The following OR2L13 variants were observed in gnomAD, a reference collection of about 807,000 sequenced individuals.
The protein encoded by OR2L13 is olfactory receptor family 2 subfamily L member 13, also known as olfactory receptor 2L13.
Under a neutral mutation model 15.3 loss-of-function variants are expected in OR2L13, and 14 were observed. That is an observed-to-expected ratio of 0.91 (90% confidence interval 0.60 to 1.43). OR2L13 has a LOEUF of 1.43. Ranked by LOEUF, OR2L13 falls within the 40% of genes most tolerant of loss-of-function variation. The probability of loss-of-function intolerance (pLI) is 0.00; values close to 1 mark genes in which losing one functional copy is unlikely to be tolerated. For missense variants in OR2L13, 367 were observed against 387.9 expected, an observed-to-expected ratio of 0.95 and a Z score of 0.45; for synonymous variants, 152 against 142.9, an observed-to-expected ratio of 1.06 and a Z score of -0.45.
chr1:248,058,834 T>A, the OR2L13 span, among the ~76,000 whole-genome samples: 1 of 152,042 alleles, frequency 6.6e-6, no homozygotes, highest in Non-Finnish European at 1.5e-5. Flanking sequence ...TTTCCCTACT[T>A]TTTTTATCTT....
the OR2L13 span, chr1:248,063,095 T>G: frequency 6.6e-5 from 10 of 152,362 alleles, no homozygotes; most frequent in African/African-American, 2.4e-4. Flanking sequence ...AATAGTTCCA[T>G]ACAAATCTTA....
At chr1:247,979,601 G>A in the OR2L13 span, among the ~76,000 whole-genome samples, 13,067 of 151,974 alleles carry the variant, frequency 0.086, 708 homozygotes, top group East Asian at 0.18. Context: ...TTGCTATTGT[G>A]AATAGTGCTG....
At chr1:248,011,650 G>C in the OR2L13 span, among the ~76,000 whole-genome samples, 1 of 151,910 alleles carries the variant, frequency 6.6e-6, no homozygotes, top group African/African-American at 2.4e-5. Flanking sequence ...GATCTTTATA[G>C]TAAGAGGACA....
chr1:247,984,359 T>C, the OR2L13 span, among the ~76,000 whole-genome samples: 1 of 152,126 alleles, frequency 6.6e-6, no homozygotes, highest in Non-Finnish European at 1.5e-5. Context: ...AAGTTAGGAC[T>C]ATAACTATCT....
the OR2L13 span, among the ~76,000 whole-genome samples, chr1:247,942,961 C>T: frequency 3.3e-5 from 5 of 151,446 alleles, no homozygotes; most frequent in South Asian, 4.2e-4. Context: ...TTCGTGTAGG[C>T]GAATTCATAC....
At chr1:248,022,600 G>A in the OR2L13 span, 1,962 of 1,614,128 alleles carry the variant, frequency 1.2e-3, 12 homozygotes, top group African/African-American at 0.019. Context: ...TGTTCCTATG[G>A]CTGGGTTCTC....
At chr1:248,086,094 A>G in the OR2L13 span, among the ~76,000 whole-genome samples, 8 of 152,312 alleles carry the variant, frequency 5.3e-5, no homozygotes, top group African/African-American at 1.9e-4. Flanking sequence ...GTGCATATTG[A>G]CACAAAATTT....
the OR2L13 span, among the ~76,000 whole-genome samples, chr1:247,993,073 G>T: frequency 6.6e-6 from 1 of 151,968 alleles, no homozygotes. Context: ...CATAGTGACT[G>T]GTATAAAATG....
At chr1:248,005,855 A>C in the OR2L13 span, among the ~76,000 whole-genome samples, 1 of 152,334 alleles carries the variant, frequency 6.6e-6, no homozygotes. Context: ...ATGTCGTAGC[A>C]GTTAAAACAT....
the OR2L13 span, among the ~76,000 whole-genome samples, chr1:247,966,743 C>T: frequency 9.9e-5 from 15 of 152,250 alleles, no homozygotes; most frequent in South Asian, 2.1e-4. Context: ...CTCTGCTGAT[C>T]GGCAAACTTA....
the OR2L13 span, among the ~76,000 whole-genome samples, chr1:248,071,505 C>T: frequency 6.6e-6 from 1 of 152,154 alleles, no homozygotes. Context: ...CTATGACAAA[C>T]CCACAGCCAA....
chr1:247,978,339 G>C, the OR2L13 span, among the ~76,000 whole-genome samples: 5 of 151,980 alleles, frequency 3.3e-5, no homozygotes, highest in Non-Finnish European at 7.4e-5. Context: ...AATTGAACCC[G>C]TGGGCGTGTA....
the OR2L13 span, among the ~76,000 whole-genome samples, chr1:247,978,859 C>T: frequency 4.0e-5 from 6 of 151,794 alleles, no homozygotes; most frequent in Admixed American, 3.9e-4. Context: ...CTCCTGGGCA[C>T]CCTGCCACAG....
At chr1:248,100,067 A>G in exon 3 of OR2L13, 1 of 1,614,000 alleles carries the variant, frequency 6.2e-7, no homozygotes, top group Non-Finnish European at 8.5e-7. Context: ...CACTCAAAGG[A>G]GGGGAGAAAA....
chr1:247,967,165 C>A, the OR2L13 span, among the ~76,000 whole-genome samples: 1 of 152,114 alleles, frequency 6.6e-6, no homozygotes, highest in South Asian at 2.1e-4. Flanking sequence ...AGAAAATATT[C>A]TCTTAAGACA....
At chr1:247,975,307 T>G in the OR2L13 span, 1 of 486,844 alleles carries the variant, frequency 2.1e-6, no homozygotes, top group Non-Finnish European at 4.0e-6. Flanking sequence ...GGTCTATGAG[T>G]GCACAGTGTT....
chr1:248,064,532 T>C, the OR2L13 span, among the ~76,000 whole-genome samples: 2 of 152,334 alleles, frequency 1.3e-5, no homozygotes, highest in East Asian at 3.9e-4. Flanking sequence ...CAATACCTGC[T>C]GTTTTTGTTA....
the OR2L13 span, among the ~76,000 whole-genome samples, chr1:248,071,113 C>G: frequency 0.061 from 9,251 of 152,222 alleles, 646 homozygotes; most frequent in East Asian, 0.34. Context: ...GGAATCCTCC[C>G]TAACTCATTT....
chr1:248,070,859 T>C, the OR2L13 span, among the ~76,000 whole-genome samples: 4 of 152,098 alleles, frequency 2.6e-5, no homozygotes, highest in Non-Finnish European at 5.9e-5. Flanking sequence ...TCCACGCAAA[T>C]AGACTAGAAA....
Sources: allele counts gnomAD v4.1 joint callset (sites outside exome capture counted in the v4.1 genomes callset), GRCh38; gene constraint gnomAD v4.1.1; transcripts MANE v1.5; gene names NCBI Gene and HGNC (gene_info 2026-07-23, HGNC 2026-07-21).